LDB2: variants seen among roughly 807,000 people sequenced by gnomAD.
LDB2 encodes the protein LIM domain-binding protein 2.
In LDB2, 12 loss-of-function variants were observed where a neutral mutation model predicts 44.3. The observed-to-expected ratio is 0.27, with a 90% confidence interval of 0.17 to 0.44. The LOEUF (loss-of-function observed/expected upper bound fraction) is 0.44, where lower values mean the gene tolerates loss of function less well. LDB2 is among the 20% of genes least tolerant of loss of function. The pLI, the probability that LDB2 is intolerant of heterozygous loss-of-function variation, is 1.00. For missense variants in LDB2, 344 were observed against 473.5 expected (o/e 0.73, Z 2.54); for synonymous variants, 164 against 174.8 (o/e 0.94, Z 0.49).
At chr4:16,597,044 G>C (rs1317140790) in intron 2 of LDB2, among the ~76,000 whole-genome samples, 1 of 152,098 alleles carries the variant, frequency 6.6e-6, no homozygotes, top group Admixed American at 6.5e-5. Context: ...GCTTTAGCTA[G>C]GAAAGATCAC....
intron 2 of LDB2, among the ~76,000 whole-genome samples, chr4:16,745,848 T>C (rs2109057718): frequency 6.6e-6 from 1 of 151,364 alleles, no homozygotes; most frequent in Middle Eastern, 3.4e-3. Context: ...GACATTAGAA[T>C]TTTTTTTTAA....
chr4:16,739,482 C>G (rs530087339), intron 2 of LDB2, among the ~76,000 whole-genome samples: 1 of 145,434 alleles, frequency 6.9e-6, no homozygotes, highest in Non-Finnish European at 1.5e-5. Context: ...GCCACTTAAG[C>G]GGCTGAGGCA....
chr4:16,586,018 A>G lies in LDB2; in HGVS notation c.532-13T>C. 6.2e-7 allele frequency: 1 copy of G among 1,604,768 alleles called. No homozygotes were observed. The highest frequency in any genetic ancestry group is 8.5e-7 in the Non-Finnish European group (1 of 1,171,590). ...GAGGATCTTGTGCCTAAATGGAAAA[A>G]AAACCCCACATGTATTTTATCACTA... On this transcript the variant is annotated splice_polypyrimidine_tract_variant and intron_variant, in intron 4 of 7. Coordinates refer to ENST00000304523, the MANE Select transcript of LDB2 (RefSeq NM_001290.5).
At chr4:16,680,613 T>C (rs1370559764) in intron 2 of LDB2, among the ~76,000 whole-genome samples, 2 of 152,180 alleles carry the variant, frequency 1.3e-5, no homozygotes, top group African/African-American at 4.8e-5. Context: ...AAAAGCTAAG[T>C]GGCATGCCCA....
At chr4:16,570,415 A>G (rs1326507448) in intron 5 of LDB2, among the ~76,000 whole-genome samples, 3 of 127,496 alleles carry the variant, frequency 2.4e-5, no homozygotes, top group Non-Finnish European at 4.8e-5. Flanking sequence ...GTGAGCCGAG[A>G]TGGCGCCACC....
chr4:16,755,414 ATGTG>A (rs1766324705), intron 2 of LDB2, among the ~76,000 whole-genome samples: 1 of 151,082 alleles, frequency 6.6e-6, no homozygotes, highest in Non-Finnish European at 1.5e-5. Context: ...GTTACCAGAA[ATGTG>A]TGTGTTGATA....
At chr4:16,594,126 G>A (rs1288794759) in intron 3 of LDB2, among the ~76,000 whole-genome samples, 1 of 150,368 alleles carries the variant, frequency 6.7e-6, no homozygotes, top group Non-Finnish European at 1.5e-5. Flanking sequence ...GAGTTGGTAT[G>A]TTTCTCTTGA....
chr4:16,750,379 A>C (rs1765263889), intron 2 of LDB2, among the ~76,000 whole-genome samples: 1 of 152,206 alleles, frequency 6.6e-6, no homozygotes, highest in Admixed American at 6.5e-5. Context: ...ACACCTGCCC[A>C]GATGCCTGGC....
chr4:16,661,181 G>T (rs577314103), intron 2 of LDB2, among the ~76,000 whole-genome samples: 15 of 152,126 alleles, frequency 9.9e-5, no homozygotes, highest in Non-Finnish European at 2.2e-4. Flanking sequence ...TGTCTACAAA[G>T]GTAGGTATAT....
intron 1 of LDB2, among the ~76,000 whole-genome samples, chr4:16,773,462 T>A (rs1465566351): frequency 6.6e-6 from 1 of 152,092 alleles, no homozygotes; most frequent in Non-Finnish European, 1.5e-5. Context: ...CAGCGACGGA[T>A]CATCAGGCAT....
intron 1 of LDB2, among the ~76,000 whole-genome samples, chr4:16,838,544 C>T (rs144604238): frequency 2.0e-5 from 3 of 152,242 alleles, no homozygotes; most frequent in African/African-American, 7.2e-5. Flanking sequence ...TTAGGAAGTG[C>T]TATTGGGATG....
chr4:16,691,101 A>G (rs1223741638), intron 2 of LDB2, among the ~76,000 whole-genome samples: 2 of 152,158 alleles, frequency 1.3e-5, no homozygotes, highest in African/African-American at 4.8e-5. Context: ...CTTAGAGGTG[A>G]GGAAACCATG....
At chr4:16,634,536 T>C (rs963171477) in intron 2 of LDB2, among the ~76,000 whole-genome samples, 2 of 152,068 alleles carry the variant, frequency 1.3e-5, no homozygotes, top group Non-Finnish European at 2.9e-5. Flanking sequence ...AACAGACACA[T>C]GAAAAAATGC....
intron 2 of LDB2, among the ~76,000 whole-genome samples, chr4:16,633,862 A>G (rs986203024): frequency 1.3e-5 from 2 of 152,218 alleles, no homozygotes; most frequent in Non-Finnish European, 2.9e-5. Flanking sequence ...ACTTCAAACT[A>G]TACTAAAAGG....
chr4:16,503,297 T>C (rs947835642), intron 7 of LDB2, among the ~76,000 whole-genome samples: 12 of 152,118 alleles, frequency 7.9e-5, no homozygotes, highest in African/African-American at 2.7e-4. Context: ...CTTTGGAAAC[T>C]AGCAGTGACC....
At chr4:16,805,659 G>A (rs1778646294) in intron 1 of LDB2, among the ~76,000 whole-genome samples, 1 of 152,180 alleles carries the variant, frequency 6.6e-6, no homozygotes, top group Non-Finnish European at 1.5e-5. Flanking sequence ...GATTCAAGAG[G>A]CAATTGGGAA....
chr4:16,713,169 T>C (rs1252166179), intron 2 of LDB2, among the ~76,000 whole-genome samples: 3 of 152,164 alleles, frequency 2.0e-5, no homozygotes, highest in Admixed American at 2.0e-4. Context: ...ATTACACTAA[T>C]AGTTGACTTG....
chr4:16,557,557 G>A (rs988320703), intron 5 of LDB2, among the ~76,000 whole-genome samples: 2 of 152,192 alleles, frequency 1.3e-5, no homozygotes, highest in African/African-American at 2.4e-5. Context: ...CAAAGCAGCC[G>A]GGAAGCTCAA....
Position 16,558,612 on chromosome 4 carries a change from T to A in LDB2, c.615+27310A>T, listed in dbSNP as rs1250913042. Among the ~76,000 whole-genome samples the A allele has an allele frequency of 2.0e-5, 3 of 152,078 alleles. 1 individual carries two copies. Among genetic ancestry groups the A allele is most frequent in the Admixed American group, 2.0e-4 (3 of 15,262 alleles). On this transcript the variant is annotated intron_variant, in intron 5 of 7. Transcript: ENST00000304523. The stretch of plus-strand genomic sequence containing the variant: ...GTGTACCTGAAAGTGACGGGGAGAA[T>A]GGAACCAAGTTGGAAAACACTGTGC...
Sources: gnomAD v4.1 joint callset for allele counts (sites outside exome capture counted in the v4.1 genomes callset) on GRCh38, gnomAD v4.1.1 for gene constraint, MANE v1.5 for transcripts, NCBI Gene and HGNC (gene_info 2026-07-23, HGNC 2026-07-21) for gene names.